Variants in FMR1 observed in about 807,000 individuals in gnomAD.
FMR1 encodes fragile X messenger ribonucleoprotein 1, also known as FMRP translational regulator 1.
Under a neutral mutation model 50.6 loss-of-function variants are expected in FMR1, and 13 were observed. The ratio of observed to expected loss-of-function variants is 0.26; its 90% CI spans 0.17 to 0.41. The LOEUF is 0.41. FMR1 is among the 10% of genes least tolerant of loss of function. The pLI is 1.00. For missense variants in FMR1, 316 were observed against 491.3 expected (o/e 0.64, Z 3.37); for synonymous variants, 138 against 164.1 (o/e 0.84, Z 1.22).
chrX:147,912,628 T>C (rs1557174113), intron 1 of FMR1: 1 of 299,327 alleles, frequency 3.3e-6, no homozygotes, highest in Non-Finnish European at 5.8e-6. Flanking sequence ...GGGCCTGTCG[T>C]GTGGGTAGTT....
chrX:147,945,700 CAT>C, intron 16 of FMR1, 84 bp downstream of exon 16: 1 of 706,563 alleles, frequency 1.4e-6, no homozygotes, highest in African/African-American at 2.1e-5. Flanking sequence ...TTATTAAAAA[CAT>C]GTTCAAAGAT....
Position 147,950,060 on chromosome X carries a change from G to T in FMR1, c.*1216G>T. The T allele has an allele frequency of 3.1e-6, 1 of 319,791 alleles. No individual in the cohort carries two copies. Among genetic ancestry groups the T allele is most frequent in the Non-Finnish European group, 6.0e-6 (1 of 167,560 alleles). The allele number at this position is 319,791 out of a possible 1,213,427, so 26.4% of individuals were successfully genotyped here. On this transcript the variant is annotated 3_prime_UTR_variant, in exon 17 of 17. Coordinates refer to ENST00000370475, the MANE Select transcript of FMR1 (RefSeq NM_002024.6). ...TTTCTTTTGTTTTTTGAAGTGTTGG[G>T]GTTTGGTTTTGTTTTTTGAGTCTTT...
chrX:147,918,436 A>G (rs2042979252), intron 1 of FMR1, among the ~76,000 whole-genome samples: 1 of 110,853 alleles, frequency 9.0e-6, no homozygotes, highest in African/African-American at 3.3e-5. Flanking sequence ...ATTTACAGAT[A>G]AGCCTCATTA....
At chrX:147,913,892 A>G (rs1033598678) in intron 1 of FMR1, 5 of 111,956 alleles carry the variant, frequency 4.5e-5, no homozygotes, top group Non-Finnish European at 5.6e-5. Context: ...ATATACATAT[A>G]TATGTGTGAG....
chrX:147,918,582 A>G (rs1022665651), intron 1 of FMR1, among the ~76,000 whole-genome samples: 4 of 3,490 alleles, frequency 1.1e-3, no homozygotes, highest in African/African-American at 3.4e-3. Flanking sequence ...TTTTTTTTTG[A>G]ATAGCTACAG....
chrX:147,922,345 T>A (rs1225891095), intron 2 of FMR1, among the ~76,000 whole-genome samples: 8 of 112,053 alleles, frequency 7.1e-5, no homozygotes, highest in African/African-American at 2.6e-4. Flanking sequence ...AAGTTGTATG[T>A]GAGTTCTTTA....
At chrX:147,943,392 T>TGAATATTAGAG in intron 14 of FMR1, 66 bp downstream of exon 14, 4 of 965,395 alleles carry the variant, frequency 4.1e-6, no homozygotes, top group South Asian at 2.0e-5. Flanking sequence ...TAATCTCTAA[T>TGAATATTAGAG]ATTCATTAGA....
chrX:147,924,467 T>TTGTGTGTGTGTGTG (rs3999731), intron 2 of FMR1, among the ~76,000 whole-genome samples: 1 of 91,085 alleles, frequency 1.1e-5, no homozygotes, highest in African/African-American at 4.3e-5. Flanking sequence ...AGTATTTTAT[T>TTGTGTGTGTGTGTG]TGTGTGTGTG....
chrX:147,933,614 T>G, intron 9 of FMR1: 1 of 864,043 alleles, frequency 1.2e-6, no homozygotes, highest in Non-Finnish European at 1.4e-6. Context: ...GTAGAACATA[T>G]CAAAACCAGG....
chrX:147,938,225 A>G, intron 12 of FMR1, 64 bp downstream of exon 12: 1 of 904,756 alleles, frequency 1.1e-6, no homozygotes, highest in East Asian at 3.1e-5. Context: ...TCCCCTTGTT[A>G]ACAAAGATTA....
intron 13 of FMR1, 106 bp downstream of exon 13, chrX:147,940,768 C>A: frequency 3.8e-6 from 2 of 521,374 alleles, no homozygotes; most frequent in East Asian, 6.9e-5. Flanking sequence ...GTGCAAAACA[C>A]TGTATGACTT....
At chrX:147,928,422 CT>C in intron 4 of FMR1, 29 bp downstream of exon 4, 1 of 1,110,053 alleles carries the variant, frequency 9.0e-7, no homozygotes, top group Non-Finnish European at 1.2e-6. Context: ...AAATTTTTTT[CT>C]TATATTGTTT....
intron 9 of FMR1, among the ~76,000 whole-genome samples, chrX:147,934,629 C>T (rs1557179361): frequency 1.8e-5 from 2 of 111,591 alleles, no homozygotes; most frequent in African/African-American, 6.5e-5. Context: ...GTAGATTCTA[C>T]CTGTGGTTAC....
In FMR1 at chrX:147,950,853, T is replaced by C; in HGVS notation, c.*2009T>C. ...AAAACCACAGTGTACCATTAAAATATGCACTAAGTCTCTTTTTTACAAAGG... is the reference window on the plus strand; with the variant it reads ...AAAACCACAGTGTACCATTAAAATACGCACTAAGTCTCTTTTTTACAAAGG... On this transcript the variant is annotated 3_prime_UTR_variant, in exon 17 of 17. Coordinates refer to ENST00000370475, the MANE Select transcript of FMR1 (RefSeq NM_002024.6). The C allele has an allele frequency of 3.2e-6, 1 of 310,525 alleles. No individual in the cohort carries two copies. The highest frequency in any genetic ancestry group is 6.2e-6 in the Non-Finnish European group (1 of 162,564). The allele number at this position is 310,525 out of a possible 1,213,427, so 25.6% of individuals were successfully genotyped here.
chrX:147,940,801 C>A (rs781827326), intron 13 of FMR1, 139 bp downstream of exon 13: 242 of 448,025 alleles, frequency 5.4e-4, no homozygotes, highest in Non-Finnish European at 8.7e-4. Flanking sequence ...AGAGAAAATA[C>A]GTTGTTTGGC....
At chrX:147,928,282 T>A (rs781816128) in intron 3 of FMR1, 40 bp from the exon 4 acceptor site, 66 of 1,094,671 alleles carry the variant, frequency 6.0e-5, no homozygotes, top group Non-Finnish European at 8.2e-5. Context: ...TTCAAAATTA[T>A]GTTAATCATG....
rs781853998 is a variant in FMR1 at position 147,937,539 on chromosome X, A to G, written c.1064A>G (p.His355Arg). ...VGPNAPEEKK[H>R]LDIKENSTHF... The stretch of plus-strand genomic sequence containing the variant: ...CCTAATGCCCCAGAAGAAAAAAAAC[A>G]TTTAGATATAAAGGAAAACAGCACC... Residue 355 changes from histidine to arginine, a missense_variant, in exon 11 of 17, where the codon CAT (histidine) becomes CGT (arginine). Coordinates refer to ENST00000370475, the MANE Select transcript of FMR1 (RefSeq NM_002024.6). 4 of 1,191,812 alleles carry G rather than the reference A, an allele frequency of 3.4e-6. No individual in the cohort carries two copies. The South Asian group carries it at 5.3e-5, about 16-fold the overall frequency.
At chrX:147,920,566 A>T (rs782108065) in intron 1 of FMR1, among the ~76,000 whole-genome samples, 1 of 111,681 alleles carries the variant, frequency 9.0e-6, no homozygotes, top group South Asian at 3.8e-4. Flanking sequence ...TTAGGCAATG[A>T]TCTATTTGAT....
chrX:147,937,540 T>G lies in FMR1; in HGVS notation c.1065T>G (p.His355Gln). 8.4e-7 allele frequency: 1 copy of G among 1,191,359 alleles called. No homozygotes were observed. Among genetic ancestry groups the G allele is most frequent in the Non-Finnish European group, 1.1e-6 (1 of 877,452 alleles). ...CTAATGCCCCAGAAGAAAAAAAACA[T>G]TTAGATATAAAGGAAAACAGCACCC... is the stretch of plus-strand genomic sequence containing the variant. ...VGPNAPEEKK[H>Q]LDIKENSTHF... The change falls in exon 11 of 17, where the codon CAT becomes CAG. Residue 355 changes from histidine (H) to glutamine (Q), a missense_variant. Transcript: ENST00000370475.
Sources: gnomAD v4.1 joint callset for allele counts (sites outside exome capture counted in the v4.1 genomes callset) on GRCh38, gnomAD v4.1.1 for gene constraint, MANE v1.5 for transcripts, NCBI Gene and HGNC (gene_info 2026-07-23, HGNC 2026-07-21) for gene names.